Variants in MARK2 observed in about 807,000 individuals in gnomAD.
MARK2 encodes microtubule affinity regulating kinase 2.
MARK2 carries 16 observed loss-of-function variants against 89.8 expected under a neutral mutation model. That is an observed-to-expected ratio of 0.18 (90% confidence interval 0.12 to 0.27). MARK2 has a LOEUF of 0.27. Among genes scored for constraint, MARK2 ranks in the 10% least tolerant of loss-of-function variants. The pLI, the probability that MARK2 is intolerant of heterozygous loss-of-function variation, is 1.00. For synonymous variants in MARK2, 382 were observed against 399.5 expected, an observed-to-expected ratio of 0.96 and a Z score of 0.52; for missense variants, 621 against 1,049.9, an observed-to-expected ratio of 0.59 and a Z score of 5.65.
chr11:63,894,774 T>C (rs1590663580), intron 1 of MARK2, among the ~76,000 whole-genome samples: 2 of 152,190 alleles, frequency 1.3e-5, no homozygotes, highest in African/African-American at 4.8e-5. Flanking sequence ...GTTATGACCA[T>C]GTAGCTACCA....
chr11:63,848,981 G>A (rs1297632621), intron 1 of MARK2, among the ~76,000 whole-genome samples: 5 of 151,686 alleles, frequency 3.3e-5, no homozygotes, highest in African/African-American at 9.7e-5. Context: ...TGCTGAGATT[G>A]CAGGCGTGAG....
intron 1 of MARK2, chr11:63,869,187 G>A: frequency 4.5e-6 from 1 of 221,666 alleles, no homozygotes; most frequent in Non-Finnish European, 9.3e-6. Flanking sequence ...TGGTCTGCCT[G>A]TATCTGCCTC....
At chr11:63,843,440 G>C (rs775210889) in intron 1 of MARK2, among the ~76,000 whole-genome samples, 1 of 152,110 alleles carries the variant, frequency 6.6e-6, no homozygotes, top group Non-Finnish European at 1.5e-5. Context: ...TGGGAAGGGA[G>C]GGGGCTGCTG....
intron 1 of MARK2, among the ~76,000 whole-genome samples, chr11:63,863,469 C>T (rs1418779400): frequency 7.8e-6 from 1 of 128,966 alleles, no homozygotes; most frequent in Non-Finnish European, 1.6e-5. Flanking sequence ...CCCCCACCCC[C>T]CCACTTTTTT....
At chr11:63,880,932 CT>C (rs1939050355) in intron 1 of MARK2, among the ~76,000 whole-genome samples, 1 of 152,204 alleles carries the variant, frequency 6.6e-6, no homozygotes, top group South Asian at 2.1e-4. Flanking sequence ...AAAATGTTTT[CT>C]TATGTATTCA....
At chr11:63,908,216 C>T (rs199818911) in intron 17 of MARK2, 44 bp from the exon 18 acceptor site, 30 of 1,530,684 alleles carry the variant, frequency 2.0e-5, no homozygotes, top group South Asian at 1.1e-4. Flanking sequence ...GCGGAAGGAG[C>T]GAGAGATCCC....
chr11:63,855,464 G>A lies in MARK2; in HGVS notation c.54+15904G>A, dbSNP rs190691706. Among the ~76,000 whole-genome samples, 991 of 151,124 alleles carry A rather than the reference G, an allele frequency of 6.6e-3. 20 individuals are homozygous for A. Among genetic ancestry groups the A allele is most frequent in the African/African-American group, 0.023 (951 of 41,228 alleles). ...TCTTGAGCCCAAGGTCAAGGCTGTA[G>A]TAAGTTGTGATTGTGCCACTGTACC... On this transcript the variant is annotated intron_variant, in intron 1 of 18. Transcript: ENST00000402010.
At position 63,904,779 on chromosome 11, in the gene MARK2, C is replaced by T. The variant is rs1941191821; in HGVS notation, c.1677-7C>T. Reference sequence around the variant, plus strand: ...CGTCCCCCTCAACCCCACTTCTCTTCCCACAGCACAGCCCCCCAGCGTGTC... The same window carrying T: ...CGTCCCCCTCAACCCCACTTCTCTTTCCACAGCACAGCCCCCCAGCGTGTC... On this transcript the variant is annotated splice_region_variant and splice_polypyrimidine_tract_variant and intron_variant, in intron 15 of 18. Transcript: ENST00000402010. The surrounding 1 kb of genome is among the most constrained non-coding windows in gnomAD (Gnocchi z 6.3). The T allele has an allele frequency of 6.2e-7, 1 of 1,612,996 alleles. No individual in the cohort carries two copies. Among genetic ancestry groups the T allele is most frequent in the South Asian group, 1.1e-5 (1 of 91,056 alleles).
At chr11:63,850,315 A>ATTT (rs34074167) in intron 1 of MARK2, among the ~76,000 whole-genome samples, 49 of 95,758 alleles carry the variant, frequency 5.1e-4, no homozygotes, top group East Asian at 2.8e-3. Flanking sequence ...TACCTGGCTA[A>ATTT]TTTTTTTTTT....
At chr11:63,875,400 G>A (rs374631884) in intron 1 of MARK2, among the ~76,000 whole-genome samples, 7 of 151,988 alleles carry the variant, frequency 4.6e-5, no homozygotes, top group Admixed American at 2.6e-4. Flanking sequence ...GATTACAGGC[G>A]TGAGCCACCA....
chr11:63,854,293 G>A (rs765482203), intron 1 of MARK2, among the ~76,000 whole-genome samples: 4 of 151,030 alleles, frequency 2.6e-5, no homozygotes, highest in Admixed American at 6.6e-5. Context: ...TCTGCCTCCC[G>A]GGTTCAAGTG....
chr11:63,882,883 T>G (rs1385978273), intron 1 of MARK2, among the ~76,000 whole-genome samples: 1 of 152,176 alleles, frequency 6.6e-6, no homozygotes, highest in African/African-American at 2.4e-5. Flanking sequence ...CCACCTCAGC[T>G]GCACTGGTTA....
At chr11:63,886,492 T>A (rs1939405405) in intron 1 of MARK2, among the ~76,000 whole-genome samples, 1 of 151,878 alleles carries the variant, frequency 6.6e-6, no homozygotes, top group Admixed American at 6.6e-5. Context: ...TGGTGCAATC[T>A]CTGCTCACTG....
intron 1 of MARK2, among the ~76,000 whole-genome samples, chr11:63,872,887 G>GCCCCCACCCCCA (rs1369661730): frequency 1.5e-5 from 1 of 66,836 alleles, no homozygotes; most frequent in African/African-American, 6.1e-5. Context: ...ACTTCTCCCT[G>GCCCCCACCCCCA]CCCCCACCCC....
In MARK2 at chr11:63,895,631, A is replaced by AAAGT. The variant is rs755339467; in HGVS notation, c.288+2_288+5dup. The AAAGT allele has an allele frequency of 1.1e-5, 17 of 1,608,408 alleles. No homozygotes were observed. Among genetic ancestry groups the AAAGT allele is most frequent in the Non-Finnish European group, 1.3e-5 (15 of 1,176,912 alleles). On this transcript the variant is annotated frameshift_variant and splice_region_variant, in exon 3 of 19. Coordinates refer to ENST00000402010, the MANE Select transcript of MARK2 (RefSeq NM_001039469.3). LOFTEE classifies it high-confidence loss of function. ...TCAACTGAACTCCTCCAGCCTCCAG[A>AAAGT]AAGTAAGCACATGGCACCTCCTGTC...
intron 1 of MARK2, among the ~76,000 whole-genome samples, chr11:63,846,990 A>G (rs2016319615): frequency 6.6e-6 from 1 of 152,196 alleles, no homozygotes; most frequent in African/African-American, 2.4e-5. Flanking sequence ...TGGGTGTGGT[A>G]GCACATGCGT....
chr11:63,891,112 C>CA (rs1191148464), intron 1 of MARK2, among the ~76,000 whole-genome samples: 1 of 151,236 alleles, frequency 6.6e-6, no homozygotes, highest in Non-Finnish European at 1.5e-5. Flanking sequence ...ATGGGGGTCT[C>CA]ACTGTATTGC....
At chr11:63,890,629 C>T (rs548679859) in intron 1 of MARK2, among the ~76,000 whole-genome samples, 12 of 152,312 alleles carry the variant, frequency 7.9e-5, no homozygotes, top group African/African-American at 1.9e-4. Flanking sequence ...GCCCCTTCTG[C>T]GGAAAGGCCC....
intron 1 of MARK2, among the ~76,000 whole-genome samples, chr11:63,846,719 G>C (rs567332474): frequency 2.2e-4 from 33 of 150,006 alleles, no homozygotes; most frequent in African/African-American, 7.4e-4. Flanking sequence ...GCAGTGGCAC[G>C]ATCTCGGCTC....
Sources: gnomAD v4.1 joint callset for allele counts (sites outside exome capture counted in the v4.1 genomes callset) on GRCh38, gnomAD v4.1.1 for gene constraint, Gnocchi (gnomAD v3.1) non-coding constraint, MANE v1.5 for transcripts, NCBI Gene and HGNC (gene_info 2026-07-23, HGNC 2026-07-21) for gene names.